TAF4: variants seen among roughly 807,000 people sequenced by gnomAD.
TAF4 encodes transcription initiation factor TFIID subunit 4.
In TAF4, 9 loss-of-function variants were observed where a neutral mutation model predicts 90.3. That is an observed-to-expected ratio of 0.10 (90% confidence interval 0.06 to 0.17). The LOEUF is 0.17. Ranked by LOEUF, TAF4 falls within the 10% of genes least tolerant of loss-of-function variation. The pLI, the probability that TAF4 is intolerant of heterozygous loss-of-function variation, is 1.00. For missense variants in TAF4, 1,351 were observed against 1,370.7 expected (o/e 0.99, Z 0.23); for synonymous variants, 818 against 638.9 (o/e 1.28, Z -4.23).
In TAF4 at chr20:61,985,239, G is replaced by T. The variant is rs1387482547; in HGVS notation, c.3091-8904C>A. On this transcript the variant is annotated intron_variant, in intron 14 of 14. Coordinates refer to ENST00000252996, the MANE Select transcript of TAF4 (RefSeq NM_003185.4). ...CAGGTGAGTGACGGCCACACTGAGG[G>T]ACTAAACCCGAGCTGTGCTGCAGGT... Among the ~76,000 whole-genome samples, 3 of 151,644 alleles carry T rather than the reference G, an allele frequency of 2.0e-5. No individual in the cohort carries two copies. The South Asian group carries it at 6.2e-4, about 32-fold the overall frequency.
chr20:62,041,732 A>T (rs1313243975), intron 1 of TAF4, among the ~76,000 whole-genome samples: 6 of 151,682 alleles, frequency 4.0e-5, no homozygotes, highest in Non-Finnish European at 7.4e-5. Flanking sequence ...GGAGTTTAAG[A>T]CCAGCCTGGG....
At chr20:62,049,824 T>A (rs1004806141) in intron 1 of TAF4, among the ~76,000 whole-genome samples, 4 of 152,158 alleles carry the variant, frequency 2.6e-5, no homozygotes, top group African/African-American at 9.7e-5. Context: ...AATGCGAGCC[T>A]CAGTGTCTCG....
chr20:62,035,091 A>G (rs1179871278), intron 1 of TAF4, among the ~76,000 whole-genome samples: 1 of 152,200 alleles, frequency 6.6e-6, no homozygotes, highest in East Asian at 1.9e-4. Context: ...AAGTGCTAGG[A>G]TTACAGGCGT....
In TAF4 at chr20:62,063,187, G is replaced by A. The variant is rs149811531; in HGVS notation, c.1360+1264C>T. On this transcript the variant is annotated intron_variant, in intron 1 of 14. Transcript: ENST00000252996. ...CTGCAGCCTAGCAGCCGCCCAGACA[G>A]GCTTTCCCCACCCCTGCCCTGTCCA... Among the ~76,000 whole-genome samples, 879 of 152,306 alleles carry A rather than the reference G, an allele frequency of 5.8e-3. 20 individuals are homozygous for A. The highest frequency in any genetic ancestry group is 0.033 in the East Asian group (173 of 5,180).
chr20:62,035,232 G>A (rs927377076), intron 1 of TAF4, among the ~76,000 whole-genome samples: 1 of 152,206 alleles, frequency 6.6e-6, no homozygotes, highest in African/African-American at 2.4e-5. Context: ...TTATAAGGAA[G>A]ATCAAAGTGC....
chr20:62,065,139 C>T lies in TAF4; in HGVS notation c.672G>A (p.Ala224=). The change falls in exon 1 of 15, where the codon GCG becomes GCA. Residue 224 remains alanine (A), a synonymous_variant. Coordinates refer to ENST00000252996, the MANE Select transcript of TAF4 (RefSeq NM_003185.4). ...AVSLVNNGPA[A]LLPLPKPAAP... is the part of the protein sequence containing the mutation. ...CGGCGGGCTTGGGCAGCGGCAGCAG[C>T]GCGGCGGGCCCGTTGTTGACCAGGC... The T allele has an allele frequency of 3.4e-6, 4 of 1,177,104 alleles. No homozygotes were observed. The highest frequency in any genetic ancestry group is 1.5e-5 in the South Asian group (1 of 66,978). 72.9% of individuals were successfully genotyped at this position (1,177,104 alleles called of 1,614,324 possible). A position where few individuals can be genotyped will look rare whatever the true frequency, so the allele number is the denominator to read the frequency against.
At chr20:62,052,151 G>T (rs1047207974) in intron 1 of TAF4, among the ~76,000 whole-genome samples, 1 of 152,108 alleles carries the variant, frequency 6.6e-6, no homozygotes, top group Non-Finnish European at 1.5e-5. Flanking sequence ...GTGGGGTGCA[G>T]TAGCGGGGTG....
intron 2 of TAF4, among the ~76,000 whole-genome samples, chr20:62,014,145 C>G (rs2123150141): frequency 6.6e-6 from 1 of 152,150 alleles, no homozygotes; most frequent in African/African-American, 2.4e-5. Context: ...TTAAAAGTCT[C>G]CATGCGGCGC....
intron 14 of TAF4, among the ~76,000 whole-genome samples, chr20:61,977,040 G>A (rs373526662): frequency 1.3e-5 from 2 of 150,434 alleles, no homozygotes; most frequent in African/African-American, 2.4e-5. Context: ...AGCAGGGCAC[G>A]CGCCACACAC....
At chr20:62,048,258 G>A (rs1357344610) in intron 1 of TAF4, among the ~76,000 whole-genome samples, 2 of 152,190 alleles carry the variant, frequency 1.3e-5, no homozygotes, top group South Asian at 2.1e-4. Flanking sequence ...TACCACAAAT[G>A]CTTTTCTAAA....
intron 14 of TAF4, among the ~76,000 whole-genome samples, chr20:61,988,799 G>A (rs1318406642): frequency 2.0e-5 from 3 of 152,096 alleles, no homozygotes; most frequent in Non-Finnish European, 2.9e-5. Context: ...CAGGTCCGGC[G>A]TTCTCGATAC....
chr20:61,992,899 G>T (rs749257933), intron 14 of TAF4, among the ~76,000 whole-genome samples: 3 of 152,108 alleles, frequency 2.0e-5, no homozygotes, highest in Non-Finnish European at 4.4e-5. Context: ...ACCAAAATGA[G>T]AACTGTAATA....
intron 3 of TAF4, among the ~76,000 whole-genome samples, chr20:62,011,648 A>G (rs1219129619): frequency 3.3e-5 from 5 of 152,204 alleles, no homozygotes; most frequent in African/African-American, 1.2e-4. Context: ...CAGTGAGGGT[A>G]GAAGAGCCGG....
At chr20:61,998,863 G>A (rs2055679958) in intron 12 of TAF4, 120 bp downstream of exon 12, 34 of 1,333,554 alleles carry the variant, frequency 2.5e-5, no homozygotes, top group Non-Finnish European at 3.5e-5. Context: ...CATCACCTTT[G>A]CTTCAAGGCC....
intron 1 of TAF4, among the ~76,000 whole-genome samples, chr20:62,018,636 C>A (rs1012925168): frequency 6.6e-6 from 1 of 152,218 alleles, no homozygotes; most frequent in African/African-American, 2.4e-5. Flanking sequence ...CAGAGAGAGC[C>A]ACGTGGGACA....
intron 1 of TAF4, among the ~76,000 whole-genome samples, chr20:62,028,131 G>A (rs1333837098): frequency 6.6e-6 from 1 of 152,186 alleles, no homozygotes; most frequent in East Asian, 1.9e-4. Flanking sequence ...GGACACCCAG[G>A]AGCCGCACCT....
At chr20:61,987,269 G>T (rs1600827815) in intron 14 of TAF4, among the ~76,000 whole-genome samples, 2 of 152,112 alleles carry the variant, frequency 1.3e-5, no homozygotes, top group African/African-American at 4.8e-5. Flanking sequence ...GCACGTCAAG[G>T]CCATCAAAGA....
At chr20:62,015,711 G>A (rs1017844190) in intron 1 of TAF4, among the ~76,000 whole-genome samples, 6 of 152,160 alleles carry the variant, frequency 3.9e-5, no homozygotes, top group African/African-American at 9.7e-5. Flanking sequence ...TGATAACCTC[G>A]AAAAAGATGA....
At chr20:62,029,212 A>C (rs1199690004) in intron 1 of TAF4, among the ~76,000 whole-genome samples, 3 of 151,662 alleles carry the variant, frequency 2.0e-5, no homozygotes, top group South Asian at 4.1e-4. Context: ...AAAAAAAAAA[A>C]CTTAGGAATT....
Sources: allele counts gnomAD v4.1 joint callset (sites outside exome capture counted in the v4.1 genomes callset), GRCh38; gene constraint gnomAD v4.1.1; transcripts MANE v1.5; gene names NCBI Gene and HGNC (gene_info 2026-07-23, HGNC 2026-07-21).